Variants in KIF6 observed in about 807,000 individuals in gnomAD.
The protein encoded by KIF6 is kinesin-like protein KIF6.
A neutral mutation model predicts 112.7 loss-of-function variants in KIF6; 106 were observed. That is an observed-to-expected ratio of 0.94 (90% CI 0.80 to 1.11). The LOEUF (loss-of-function observed/expected upper bound fraction) is 1.11, where lower values mean the gene tolerates loss of function less well. Among genes scored for constraint, KIF6 ranks in the 50% least tolerant of loss-of-function variants. The probability of loss-of-function intolerance (pLI) is 0.00; values close to 1 mark genes in which losing one functional copy is unlikely to be tolerated. For missense variants in KIF6, 929 were observed against 964.0 expected, an observed-to-expected ratio of 0.96 and a Z score of 0.48; for synonymous variants, 339 against 339.9, an observed-to-expected ratio of 1.00 and a Z score of 0.03.
At chr6:39,698,823 A>G (rs1788703536) in intron 3 of KIF6, among the ~76,000 whole-genome samples, 2 of 152,222 alleles carry the variant, frequency 1.3e-5, no homozygotes, top group Admixed American at 6.5e-5. Context: ...GAACAACACT[A>G]TTTAATTAGC....
At position 39,337,166 on chromosome 6, in the gene KIF6, T is replaced by C. The variant is rs1215139259; in HGVS notation, c.2429-618A>G. On this transcript the variant is annotated intron_variant, in intron 22 of 22. Transcript: ENST00000287152. ...TTCCTTTCTCTTTCTTTTCTTTCTT[T>C]CCTTCCTTCTTTCTTTCTTTCTTTC... 7.7e-4 allele frequency among the ~76,000 whole-genome samples: 53 copies of C among 68,634 alleles called. 2 individuals are homozygous for C. Among genetic ancestry groups the C allele is most frequent in the African/African-American group, 3.5e-3 (22 of 6,288 alleles). 45.0% of individuals were successfully genotyped at this position (68,634 alleles called of 152,430 possible). A position where few individuals can be genotyped will look rare whatever the true frequency, so the allele number is the denominator to read the frequency against.
intron 15 of KIF6, among the ~76,000 whole-genome samples, chr6:39,401,140 A>T (rs1179948834): frequency 6.6e-6 from 1 of 152,238 alleles, no homozygotes; most frequent in Non-Finnish European, 1.5e-5. Context: ...AGGTGCCCCT[A>T]ATTCCTAATA....
intron 2 of KIF6, among the ~76,000 whole-genome samples, chr6:39,717,180 G>T (rs1027737393): frequency 6.6e-6 from 1 of 151,700 alleles, no homozygotes; most frequent in Non-Finnish European, 1.5e-5. Context: ...GCCTTCTCAC[G>T]GCTCAAGTCC....
intron 10 of KIF6, among the ~76,000 whole-genome samples, chr6:39,549,539 T>C (rs2150576240): frequency 6.6e-6 from 1 of 152,202 alleles, no homozygotes; most frequent in East Asian, 1.9e-4. Flanking sequence ...ATACTTACCA[T>C]ACTATAACAA....
chr6:39,499,909 C>G, intron 13 of KIF6, among the ~76,000 whole-genome samples: 1 of 152,208 alleles, frequency 6.6e-6, no homozygotes, highest in Admixed American at 6.5e-5. Flanking sequence ...GATAAAGTAA[C>G]TGCTCAACAG....
At chr6:39,474,970 G>A (rs1394250536) in intron 13 of KIF6, among the ~76,000 whole-genome samples, 1 of 152,206 alleles carries the variant, frequency 6.6e-6, no homozygotes, top group African/African-American at 2.4e-5. Flanking sequence ...TTATATGATG[G>A]TCCTGTTGCT....
chr6:39,567,036 C>T (rs1780321006), intron 10 of KIF6, among the ~76,000 whole-genome samples: 1 of 152,142 alleles, frequency 6.6e-6, no homozygotes, highest in African/African-American at 2.4e-5. Flanking sequence ...TGTGTGCATG[C>T]ATGAGTGTAT....
intron 11 of KIF6, 25 bp from the exon 12 acceptor site, chr6:39,544,718 T>C: frequency 7.1e-7 from 1 of 1,413,952 alleles, no homozygotes. Flanking sequence ...AAGAGCTTAG[T>C]ACCCATATCT....
At chr6:39,446,473 A>G (rs1772321550) in intron 13 of KIF6, among the ~76,000 whole-genome samples, 1 of 152,154 alleles carries the variant, frequency 6.6e-6, no homozygotes, top group South Asian at 2.1e-4. Context: ...AGAGATCTCC[A>G]GTGAAATTGT....
At chr6:39,556,888 T>G (rs1321172902) in intron 10 of KIF6, among the ~76,000 whole-genome samples, 2 of 152,228 alleles carry the variant, frequency 1.3e-5, no homozygotes, top group Non-Finnish European at 2.9e-5. Context: ...ACCCATCCTT[T>G]GCTCCAAATC....
chr6:39,645,488 G>T (rs1448401105), intron 3 of KIF6, among the ~76,000 whole-genome samples: 1 of 152,182 alleles, frequency 6.6e-6, no homozygotes, highest in Non-Finnish European at 1.5e-5. Flanking sequence ...ATACAGCCTT[G>T]CATTCCAGGG....
At chr6:39,388,759 G>A (rs756004011) in intron 15 of KIF6, among the ~76,000 whole-genome samples, 12 of 152,066 alleles carry the variant, frequency 7.9e-5, no homozygotes, top group Non-Finnish European at 1.5e-4. Flanking sequence ...GCTGGTTTTG[G>A]CCTGGGTTCC....
chr6:39,700,885 G>A (rs887084470), intron 3 of KIF6, among the ~76,000 whole-genome samples: 1 of 151,946 alleles, frequency 6.6e-6, no homozygotes, highest in African/African-American at 2.4e-5. Context: ...GCTAACTTTT[G>A]TATTTTTTAG....
chr6:39,678,048 G>A (rs1471044073), intron 3 of KIF6, among the ~76,000 whole-genome samples: 2 of 151,998 alleles, frequency 1.3e-5, no homozygotes, highest in Non-Finnish European at 2.9e-5. Context: ...AACACATGAA[G>A]AAATGCTCAT....
At chr6:39,454,297 G>C (rs1481756319) in intron 13 of KIF6, among the ~76,000 whole-genome samples, 1 of 152,090 alleles carries the variant, frequency 6.6e-6, no homozygotes, top group Admixed American at 6.5e-5. Context: ...AGATGAAAGA[G>C]AGATTGAGAT....
rs1562113243 is a variant in KIF6, at chr6:39,346,120, TCC to T, written c.2232-333_2232-332del. Reference sequence around the variant, plus strand: ...CTCCCTCCCCCCCTCCCTCTCCCTCTCCCTCCCTCTCCCTCTCTCTCTCTCTC... The same window carrying T: ...CTCCCTCCCCCCCTCCCTCTCCCTCTCTCCCTCTCCCTCTCTCTCTCTCTC... On this transcript the variant is annotated intron_variant, in intron 20 of 22. Transcript: ENST00000287152. Among the ~76,000 whole-genome samples the T allele has an allele frequency of 2.0e-3, 94 of 47,866 alleles. 11 individuals carry two copies. The highest frequency in any genetic ancestry group is 0.011 in the African/African-American group (67 of 6,296). The allele number at this position is 47,866 out of a possible 152,430, so 31.4% of individuals were successfully genotyped here.
rs779623401 is a variant in KIF6, at chr6:39,343,721, G to A, written c.2416C>T (p.Leu806=). The change falls in exon 22 of 23, where the codon CTG becomes TTG. Residue 806 remains leucine, a synonymous_variant. Coordinates refer to ENST00000287152, the MANE Select transcript of KIF6 (RefSeq NM_145027.6). This position sits in a 1 kb window ranked among gnomAD's most constrained non-coding sequence, Gnocchi z 4.1. ...IAFIKARQSI[L]QKQCLGSN is the part of the protein sequence containing the mutation. ...GAGGTGCACTTACATTGCTTCTGCA[G>A]AATGCTCTGTCTGGCCTTGATGAAG... 1 of 1,609,054 alleles carries A rather than the reference G, an allele frequency of 6.2e-7. No individual in the cohort carries two copies. The highest frequency in any genetic ancestry group is 1.1e-5 in the South Asian group (1 of 90,026).
chr6:39,490,279 C>T (rs1775396527), intron 13 of KIF6, among the ~76,000 whole-genome samples: 1 of 152,162 alleles, frequency 6.6e-6, no homozygotes, highest in Admixed American at 6.5e-5. Context: ...GCAGAAGGCT[C>T]CCAGACAATG....
chr6:39,388,284 A>ATTTT (rs3048044), intron 15 of KIF6, among the ~76,000 whole-genome samples: 7 of 145,098 alleles, frequency 4.8e-5, no homozygotes, highest in South Asian at 2.2e-4. Context: ...CTAAGGAAGT[A>ATTTT]TTTTTTTTTT....
Sources: allele counts gnomAD v4.1 joint callset (sites outside exome capture counted in the v4.1 genomes callset), GRCh38; gene constraint gnomAD v4.1.1; non-coding constraint Gnocchi (gnomAD v3.1); transcripts MANE v1.5; gene names NCBI Gene and HGNC (gene_info 2026-07-23, HGNC 2026-07-21).